Variants in RARB observed in about 807,000 individuals in gnomAD.
The protein encoded by RARB is HBV-activated protein.
Under a neutral mutation model 51.9 loss-of-function variants are expected in RARB, and 17 were observed. That is an observed-to-expected ratio of 0.33 (90% CI 0.22 to 0.49). The LOEUF is 0.49. RARB is among the 20% of genes least tolerant of loss of function. The pLI is 0.99. For missense variants in RARB, 369 were observed against 550.8 expected (o/e 0.67, Z 3.30); for synonymous variants, 215 against 195.4 (o/e 1.10, Z -0.84).
intron 6 of RARB, 26 bp downstream of exon 6, chr3:25,593,733 T>C: frequency 3.1e-6 from 5 of 1,595,370 alleles, no homozygotes; most frequent in Middle Eastern, 1.7e-4. Context: ...AAAAGCCTCA[T>C]GAAATTCCAT....
rs199786350 is a variant in RARB, at chr3:25,570,043, G to T, written c.609+125G>T. 506 of 1,338,602 alleles carry T rather than the reference G, an allele frequency of 3.8e-4. 7 individuals carry two copies. In the East Asian group the frequency reaches 0.012, roughly 31 times the overall value. 82.9% of individuals were successfully genotyped at this position (1,338,602 alleles called of 1,614,324 possible). On this transcript the variant is annotated intron_variant, in intron 4 of 7. Coordinates refer to ENST00000330688, the MANE Select transcript of RARB (RefSeq NM_000965.5). ...ACACTTTGCACTGGGCCTGGCAGGG[G>T]CTTGCATGCTAGCCAGCTGGGGCTA...
intron 5 of RARB, among the ~76,000 whole-genome samples, chr3:25,289,436 A>T (rs1332477013): frequency 6.6e-6 from 1 of 152,192 alleles, no homozygotes; most frequent in Non-Finnish European, 1.5e-5. Flanking sequence ...CCAAAAGGCC[A>T]GGTCTGTCCA....
intron 5 of RARB, among the ~76,000 whole-genome samples, chr3:25,275,699 T>G (rs1246549548): frequency 6.6e-6 from 1 of 151,490 alleles, no homozygotes; most frequent in African/African-American, 2.4e-5. Context: ...ATGGACATCA[T>G]TGCCCTTAAT....
intron 5 of RARB, among the ~76,000 whole-genome samples, chr3:25,207,080 T>C (rs1405358761): frequency 6.6e-6 from 1 of 152,210 alleles, no homozygotes; most frequent in Admixed American, 6.5e-5. Context: ...ATAATAACTT[T>C]TTAGAAATAA....
At chr3:25,256,958 G>C (rs1702881262) in intron 5 of RARB, among the ~76,000 whole-genome samples, 1 of 152,088 alleles carries the variant, frequency 6.6e-6, no homozygotes, top group African/African-American at 2.4e-5. Flanking sequence ...CTTTGTGCTT[G>C]ACATGCTTGC....
chr3:25,301,512 T>C (rs1704037589), intron 5 of RARB, among the ~76,000 whole-genome samples: 1 of 152,236 alleles, frequency 6.6e-6, no homozygotes, highest in Non-Finnish European at 1.5e-5. Flanking sequence ...ATTTAGTGCA[T>C]TCATATTGTG....
At chr3:24,870,495 A>G (rs1478174399) in intron 2 of RARB, among the ~76,000 whole-genome samples, 1 of 152,112 alleles carries the variant, frequency 6.6e-6, no homozygotes, top group Non-Finnish European at 1.5e-5. Context: ...ATTTATATCA[A>G]CACTGCTTTG....
chr3:25,201,455 T>G (rs2125370901), intron 5 of RARB, among the ~76,000 whole-genome samples: 1 of 152,320 alleles, frequency 6.6e-6, no homozygotes. Context: ...TGGCCAGAAC[T>G]TCCAACACTG....
chr3:25,321,010 A>C (rs1704554977), intron 5 of RARB, among the ~76,000 whole-genome samples: 1 of 152,228 alleles, frequency 6.6e-6, no homozygotes, highest in East Asian at 1.9e-4. Flanking sequence ...TAGGCCTATA[A>C]GTCCATCAAA....
At chr3:25,386,261 G>C (rs1325821057) in intron 5 of RARB, among the ~76,000 whole-genome samples, 1 of 152,122 alleles carries the variant, frequency 6.6e-6, no homozygotes, top group Non-Finnish European at 1.5e-5. Context: ...GGAAAGGGAA[G>C]GGTGGGGAAA....
At chr3:24,935,980 C>T (rs375218357) in intron 2 of RARB, among the ~76,000 whole-genome samples, 3 of 151,998 alleles carry the variant, frequency 2.0e-5, no homozygotes, top group East Asian at 1.9e-4. Context: ...ATGTATAAAT[C>T]GAAAACTTAA....
intron 5 of RARB, among the ~76,000 whole-genome samples, chr3:25,415,574 T>A (rs1707681881): frequency 6.6e-6 from 1 of 152,260 alleles, no homozygotes; most frequent in African/African-American, 2.4e-5. Context: ...TTCCTGGTCT[T>A]AATGTAGGTT....
chr3:25,223,768 G>C (rs565476112), intron 5 of RARB, among the ~76,000 whole-genome samples: 5 of 152,272 alleles, frequency 3.3e-5, no homozygotes, highest in African/African-American at 1.2e-4. Context: ...TGCTTGTAAA[G>C]TGACTCAGTT....
Position 25,462,880 on chromosome 3 carries a change from T to TA in RARB, c.306+1541dup, listed in dbSNP as rs557214328. Among the ~76,000 whole-genome samples, 9 of 152,294 alleles carry TA rather than the reference T, an allele frequency of 5.9e-5. No homozygotes were observed. In the South Asian group the frequency reaches 1.9e-3, roughly 32 times the overall value. ...TTCCAGAAGACAGAACAAAAGCACA[T>TA]AAGGTCTCCAGAGGCTTAGGCTAAG... On this transcript the variant is annotated intron_variant, in intron 2 of 7. Coordinates refer to ENST00000330688, the MANE Select transcript of RARB (RefSeq NM_000965.5).
chr3:24,989,078 G>T (rs185060626), intron 2 of RARB, among the ~76,000 whole-genome samples: 1 of 151,952 alleles, frequency 6.6e-6, no homozygotes, highest in African/African-American at 2.4e-5. Flanking sequence ...TGCCTGTCTC[G>T]GCCTCCCAAA....
In RARB at chr3:25,291,402, G is replaced by T. The variant is rs139835752; in HGVS notation, c.178+116827G>T. Among the ~76,000 whole-genome samples, 13 of 151,160 alleles carry T rather than the reference G, an allele frequency of 8.6e-5. No individual in the cohort carries two copies. The East Asian group carries it at 2.5e-3, about 29-fold the overall frequency. ...TCATGTTTTCAAGTGCTGTAAAAAT[G>T]CTTGCCCTAAGTCTCAGATATAATA... On this transcript the variant is annotated intron_variant, in intron 5 of 11. Coordinates refer to the RARB transcript ENST00000383772.
At chr3:24,972,381 A>G (rs1696419321) in intron 2 of RARB, among the ~76,000 whole-genome samples, 1 of 151,960 alleles carries the variant, frequency 6.6e-6, no homozygotes, top group Admixed American at 6.6e-5. Flanking sequence ...CTTTTTATCC[A>G]TTCATCTACT....
intron 2 of RARB, among the ~76,000 whole-genome samples, chr3:24,977,042 G>C (rs1045880391): frequency 1.3e-4 from 20 of 152,088 alleles, no homozygotes; most frequent in African/African-American, 4.6e-4. Context: ...TCTTGTTTTT[G>C]TCAGGTTTGT....
intron 5 of RARB, among the ~76,000 whole-genome samples, chr3:25,363,729 A>G (rs116606360): frequency 6.6e-6 from 1 of 152,126 alleles, no homozygotes; most frequent in African/African-American, 2.4e-5. Flanking sequence ...CACAACACAG[A>G]TCAGTTGACA....
Sources: allele counts gnomAD v4.1 joint callset (sites outside exome capture counted in the v4.1 genomes callset), GRCh38; gene constraint gnomAD v4.1.1; transcripts MANE v1.5; gene names NCBI Gene and HGNC (gene_info 2026-07-23, HGNC 2026-07-21).